Variants in DENND4A observed in about 807,000 individuals in gnomAD.
DENND4A encodes C-myc promoter-binding protein.
A neutral mutation model predicts 199.3 loss-of-function variants in DENND4A; 70 were observed. The ratio of observed to expected loss-of-function variants is 0.35; its 90% CI spans 0.29 to 0.43. The LOEUF (loss-of-function observed/expected upper bound fraction) is 0.43. DENND4A is among the 20% of genes least tolerant of loss of function. The pLI is 1.00. For synonymous variants in DENND4A, 686 were observed against 766.9 expected, an observed-to-expected ratio of 0.89 and a Z score of 1.74; for missense variants, 1,723 against 2,255.8, an observed-to-expected ratio of 0.76 and a Z score of 4.78.
intron 23 of DENND4A, among the ~76,000 whole-genome samples, chr15:65,682,025 T>C (rs895071154): frequency 1.3e-5 from 2 of 152,238 alleles, no homozygotes; most frequent in East Asian, 1.9e-4. Context: ...TCCAGGTTTT[T>C]TGTTCCATTT....
intron 1 of DENND4A, among the ~76,000 whole-genome samples, chr15:65,785,059 G>A (rs1213543031): frequency 6.6e-6 from 1 of 151,924 alleles, no homozygotes; most frequent in Non-Finnish European, 1.5e-5. Flanking sequence ...GCTTGAACCT[G>A]GGAGGCGGAG....
At chr15:65,671,771 C>G (rs918380073) in intron 25 of DENND4A, 21 bp downstream of exon 25, 2 of 1,447,934 alleles carry the variant, frequency 1.4e-6, no homozygotes, top group East Asian at 4.5e-5. Context: ...TATGAAGATT[C>G]TCTTTTGCAC....
chr15:65,789,673 A>G (rs2077663027), intron 1 of DENND4A, among the ~76,000 whole-genome samples: 1 of 152,228 alleles, frequency 6.6e-6, no homozygotes, highest in Non-Finnish European at 1.5e-5. Context: ...TTTTCCACCT[A>G]GAACAACGCA....
rs34181353 is a variant in DENND4A, at chr15:65,772,706, C to CAA, written c.-101-11270_-101-11269dup. Among the ~76,000 whole-genome samples the CAA allele has an allele frequency of 5.3e-3, 177 of 33,596 alleles. 30 individuals are homozygous for CAA. Among genetic ancestry groups the CAA allele is most frequent in the Middle Eastern group, 0.038 (1 of 26 alleles). 22.0% of individuals were successfully genotyped at this position (33,596 alleles called of 152,430 possible). A position where few individuals can be genotyped will look rare whatever the true frequency, so the allele number is the denominator to read the frequency against. On this transcript the variant is annotated intron_variant, in intron 1 of 32. Coordinates refer to ENST00000443035, the MANE Select transcript of DENND4A (RefSeq NM_001320835.1). ...TGGGCAACAAAATGAGACTCCGTCT[C>CAA]AAAAAAAAAAAAAAAAAAAAAAAAA... is the stretch of plus-strand genomic sequence containing the variant.
At position 65,746,369 on chromosome 15, in the gene DENND4A, C is replaced by CTTTTTTTTTTTTTTTTTTTTTTTTTTTT. The variant is rs573935476; in HGVS notation, c.562-4613_562-4586dup. The stretch of plus-strand genomic sequence containing the variant: ...CTTGTTAACAATTCTACTTTTTTCT[C>CTTTTTTTTTTTTTTTTTTTTTTTTTTTT]TTTTTTTTTTTTTTTTTTTTTTTTT... On this transcript the variant is annotated intron_variant, in intron 4 of 32. Coordinates refer to ENST00000443035, the MANE Select transcript of DENND4A (RefSeq NM_001320835.1). Among the ~76,000 whole-genome samples the CTTTTTTTTTTTTTTTTTTTTTTTTTTTT allele has an allele frequency of 7.8e-5, 4 of 51,270 alleles. 1 individual carries two copies. The highest frequency in any genetic ancestry group is 1.5e-4 in the Non-Finnish European group (4 of 27,576). 33.6% of individuals were successfully genotyped at this position (51,270 alleles called of 152,430 possible). A position where few individuals can be genotyped will look rare whatever the true frequency, so the allele number is the denominator to read the frequency against.
At chr15:65,753,831 T>G (rs982610735) in intron 3 of DENND4A, 1 of 151,358 alleles carries the variant, frequency 6.6e-6, no homozygotes, top group African/African-American at 2.4e-5. Context: ...ATTTCTTTCT[T>G]TCTTTTTTTT....
chr15:65,726,349 T>A (rs1175718613), intron 11 of DENND4A, among the ~76,000 whole-genome samples: 1 of 152,204 alleles, frequency 6.6e-6, no homozygotes, highest in African/African-American at 2.4e-5. Flanking sequence ...TTACCACTGT[T>A]AATTTCAATT....
chr15:65,711,617 A>G (rs932524326), intron 14 of DENND4A, among the ~76,000 whole-genome samples: 1 of 152,222 alleles, frequency 6.6e-6, no homozygotes, highest in Admixed American at 6.5e-5. Flanking sequence ...GTAGAAAATA[A>G]ATCTTCCCCC....
At chr15:65,708,562 G>A (rs886095623) in intron 14 of DENND4A, among the ~76,000 whole-genome samples, 3 of 152,128 alleles carry the variant, frequency 2.0e-5, no homozygotes, top group African/African-American at 4.8e-5. Context: ...AAATAGCCGT[G>A]CAATAAATCC....
At chr15:65,744,905 A>G (rs1206194577) in intron 4 of DENND4A, among the ~76,000 whole-genome samples, 1 of 152,214 alleles carries the variant, frequency 6.6e-6, no homozygotes, top group Non-Finnish European at 1.5e-5. Flanking sequence ...ACTTAAAGGT[A>G]ACGACTAAAA....
intron 1 of DENND4A, among the ~76,000 whole-genome samples, chr15:65,780,957 A>G (rs1281749960): frequency 6.6e-6 from 1 of 152,208 alleles, no homozygotes; most frequent in Non-Finnish European, 1.5e-5. Flanking sequence ...TGCTTGAGCT[A>G]TAACATAGTT....
chr15:65,759,989 A>G (rs2076811393), intron 2 of DENND4A, among the ~76,000 whole-genome samples: 1 of 152,174 alleles, frequency 6.6e-6, no homozygotes, highest in Non-Finnish European at 1.5e-5. Flanking sequence ...ACACAACTCT[A>G]GTATTTCTTC....
intron 1 of DENND4A, chr15:65,771,974 C>T: frequency 6.5e-7 from 1 of 1,528,506 alleles, no homozygotes; most frequent in Admixed American, 1.8e-5. Context: ...TTCGTAACTC[C>T]AAGTACTTCA....
At chr15:65,755,291 T>C (rs1227300255) in intron 3 of DENND4A, among the ~76,000 whole-genome samples, 2 of 152,308 alleles carry the variant, frequency 1.3e-5, no homozygotes, top group African/African-American at 4.8e-5. Context: ...ATGATAAAAA[T>C]GTCATAGAAT....
chr15:65,721,593 TAAA>T (rs71447857), intron 12 of DENND4A, among the ~76,000 whole-genome samples: 9 of 131,540 alleles, frequency 6.8e-5, no homozygotes, highest in East Asian at 2.1e-4. Flanking sequence ...TGACTCCACT[TAAA>T]AAAAAAAAAA....
intron 3 of DENND4A, 47 bp from the exon 4 acceptor site, chr15:65,752,675 G>A (rs1409472337): frequency 4.0e-6 from 5 of 1,235,678 alleles, no homozygotes; most frequent in Non-Finnish European, 5.6e-6. Flanking sequence ...CTTTAAATAT[G>A]AAAAGTAATA....
Position 65,690,510 on chromosome 15 carries a change from C to T in DENND4A, c.4084G>A (p.Val1362Ile), listed in dbSNP as rs1360122374. The T allele has an allele frequency of 1.8e-5, 29 of 1,613,336 alleles. No homozygotes were observed. Among genetic ancestry groups the T allele is most frequent in the South Asian group, 4.4e-5 (4 of 91,002 alleles). Residue 1362 changes from valine (V) to isoleucine (I), a missense_variant, in exon 23 of 33, where the codon GTT becomes ATT. Val to Ile is a conservative substitution (Grantham distance 29). Coordinates refer to ENST00000443035, the MANE Select transcript of DENND4A (RefSeq NM_001320835.1). ...LDTLLVPKLD[V>I]LRNSMFTAGK... ...GCAGTGAACATACTGTTTCTTAGAA[C>T]ATCTAGTTTAGGTACTAGTAGTGTA...
At chr15:65,773,969 C>T (rs147088108) in intron 1 of DENND4A, among the ~76,000 whole-genome samples, 1 of 152,334 alleles carries the variant, frequency 6.6e-6, no homozygotes, top group African/African-American at 2.4e-5. Flanking sequence ...AATCAACTGT[C>T]ATCAGGGTAG....
At chr15:65,741,313 T>C (rs575262887) in intron 5 of DENND4A, among the ~76,000 whole-genome samples, 1 of 152,354 alleles carries the variant, frequency 6.6e-6, no homozygotes, top group East Asian at 1.9e-4. Context: ...ATTTTGACTA[T>C]GGATTATAAA....
Sources: gnomAD v4.1 joint callset for allele counts (sites outside exome capture counted in the v4.1 genomes callset) on GRCh38, gnomAD v4.1.1 for gene constraint, MANE v1.5 for transcripts, NCBI Gene and HGNC (gene_info 2026-07-23, HGNC 2026-07-21) for gene names.